Variants in SPNS1 observed in about 807,000 individuals in gnomAD.
The protein encoded by SPNS1 is SPNS lysolipid transporter 1, lysophospholipid.
Under a neutral mutation model 50.3 loss-of-function variants are expected in SPNS1, and 22 were observed. The observed-to-expected ratio is 0.44, with a 90% CI of 0.31 to 0.62. The LOEUF is 0.62. Among genes scored for constraint, SPNS1 ranks in the 20% least tolerant of loss-of-function variants. The pLI, the probability that SPNS1 is intolerant of heterozygous loss-of-function variation, is 0.07. For synonymous variants in SPNS1, 295 were observed against 317.4 expected (o/e 0.93, Z 0.75); for missense variants, 576 against 728.6 (o/e 0.79, Z 2.41).
At chr16:28,978,222 T>A (rs1043871621) in intron 3 of SPNS1, among the ~76,000 whole-genome samples, 178 bp downstream of exon 3, 1 of 151,956 alleles carries the variant, frequency 6.6e-6, no homozygotes, top group East Asian at 1.9e-4. Context: ...TCCCCTTTTC[T>A]TCCAGAGCAT....
At position 28,978,035 on chromosome 16, in the gene SPNS1, C is replaced by T. The variant is rs1304069653; in HGVS notation, c.435C>T (p.Ile145=). The part of the protein sequence containing the change: ...WSLVTLGSSF[I]PGEHFWLLLL... ...TGGTGACACTGGGGTCATCCTTCAT[C>T]CCCGGAGAGGTGAGGCCCCAAGCTG... The change falls in exon 3 of 12, where the codon ATC becomes ATT. Residue 145 remains isoleucine (I), a synonymous_variant. Coordinates refer to ENST00000311008, the MANE Select transcript of SPNS1 (RefSeq NM_032038.3). 4 of 1,613,284 alleles carry T rather than the reference C, an allele frequency of 2.5e-6. No individual in the cohort carries two copies. The highest frequency in any genetic ancestry group is 3.3e-5 in the Admixed American group (2 of 59,928).
intron 5 of SPNS1, chr16:28,980,493 A>G (rs1241774977): frequency 6.6e-6 from 1 of 151,922 alleles, no homozygotes; most frequent in Non-Finnish European, 1.5e-5. Context: ...GGCTGCCCTC[A>G]CCTGGAAGCC....
chr16:28,984,194 T>C lies in SPNS1; in HGVS notation c.1493-11T>C. 1 of 1,550,464 alleles carries C rather than the reference T, an allele frequency of 6.4e-7. No individual in the cohort carries two copies. Among genetic ancestry groups the C allele is most frequent in the South Asian group, 1.2e-5 (1 of 81,942 alleles). On this transcript the variant is annotated splice_polypyrimidine_tract_variant and intron_variant, in intron 11 of 11. Coordinates refer to ENST00000311008, the MANE Select transcript of SPNS1 (RefSeq NM_032038.3). ...ATCCAGCTCACCCTGGCTCTGACCC[T>C]CCCCCCTCAGGCCTGCTGCACGAAG...
chr16:28,977,862 A>C (rs1213145017), intron 2 of SPNS1, 46 bp from the exon 3 acceptor site: 1 of 1,600,570 alleles, frequency 6.2e-7, no homozygotes, highest in East Asian at 2.2e-5. Context: ...TGGGAGTGGG[A>C]GGTAGGGGTA....
chr16:28,976,398 A>G (rs1321630795), intron 2 of SPNS1, among the ~76,000 whole-genome samples: 1 of 151,894 alleles, frequency 6.6e-6, no homozygotes, highest in African/African-American at 2.4e-5. Flanking sequence ...TCTTCCTTCC[A>G]TCCTTCATTC....
Position 28,975,572 on chromosome 16 carries a change from CT to C in SPNS1, c.307+16del. On this transcript the variant is annotated intron_variant, in intron 2 of 11. Transcript: ENST00000311008. ...CATCCAGACCGGTGAGTGGGGACCA[CT>C]CCTGGTCACACAGCCGCTCCTCCTT... The C allele has an allele frequency of 6.2e-7, 1 of 1,613,970 alleles. No individual in the cohort carries two copies.
Position 28,979,699 on chromosome 16 carries a change from C to T in SPNS1, c.663+228C>T, listed in dbSNP as rs1403026088. The T allele has an allele frequency of 2.0e-5, 11 of 540,814 alleles. 1 individual carries two copies. The highest frequency in any genetic ancestry group is 9.5e-5 in the Admixed American group (3 of 31,704). The allele number at this position is 540,814 out of a possible 1,614,324, so 33.5% of individuals were successfully genotyped here. The stretch of plus-strand genomic sequence containing the variant: ...CCAAGTAGCTGGGACTATAGGTGCC[C>T]GCCACCATGCCTGGCTAATTAAAAA... On this transcript the variant is annotated intron_variant, in intron 5 of 11. Transcript: ENST00000311008.
chr16:28,979,783 G>A (rs1965478060), intron 5 of SPNS1: 1 of 310,404 alleles, frequency 3.2e-6, no homozygotes, highest in Admixed American at 4.3e-5. Context: ...AGCATTTTGG[G>A]AGGCTGAGGC....
In SPNS1 at chr16:28,983,793, A is replaced by T; in HGVS notation, c.1328A>T (p.Asp443Val). The change falls in exon 11 of 12, where the codon GAC (aspartate) becomes GTC (valine). Residue 443 changes from aspartate (D) to valine (V), a missense_variant. Transcript: ENST00000311008. The surrounding 1 kb of genome is among the most constrained non-coding windows in gnomAD (Gnocchi z 5.4). ...TGTCTCCTCTCCCTGCAGATCTCTG[A>T]CCGCCTGCGCCGGAACTGGCCCCCC... ...GSPYLIGLIS[D>V]RLRRNWPPSF... 6.3e-7 allele frequency: 1 copy of T among 1,589,692 alleles called. No individual in the cohort carries two copies. The highest frequency in any genetic ancestry group is 8.5e-7 in the Non-Finnish European group (1 of 1,169,896).
Position 28,974,902 on chromosome 16 carries a change from G to T in SPNS1, c.-250G>T. The T allele has an allele frequency of 6.5e-7, 1 of 1,527,650 alleles. No individual in the cohort carries two copies. The highest frequency in any genetic ancestry group is 1.2e-5 in the South Asian group (1 of 83,252). The allele number at this position is 1,527,650 out of a possible 1,614,324, so 94.6% of individuals were successfully genotyped here. A position where few individuals can be genotyped will look rare whatever the true frequency, so the allele number is the denominator to read the frequency against. On this transcript the variant is annotated 5_prime_UTR_variant, in exon 1 of 12. Transcript: ENST00000311008. The stretch of plus-strand genomic sequence containing the variant: ...TCCGCGTGGGATCGTGCCCTCTTCA[G>T]CCCGCTCCTGTCCCCGACATCACGT...
At chr16:28,982,796 T>A in intron 8 of SPNS1, 61 bp from the exon 9 acceptor site, 1 of 1,573,232 alleles carries the variant, frequency 6.4e-7, no homozygotes, top group East Asian at 2.2e-5. Context: ...GCTGGGAACA[T>A]GGTCAACTTT....
Position 28,975,274 on chromosome 16 carries a change from C to T in SPNS1, c.123C>T (p.Val41=). 6.4e-7 allele frequency: 1 copy of T among 1,568,508 alleles called. No individual in the cohort carries two copies. The highest frequency in any genetic ancestry group is 8.7e-7 in the Non-Finnish European group (1 of 1,155,912). The change falls in exon 1 of 12, where the codon GTC becomes GTT. Residue 41 remains valine (V), a synonymous_variant. Transcript: ENST00000311008. ...TGNPKSEEPE[V]PDQEGLQRIT... is the part of the protein sequence containing the mutation. Reference sequence around the variant, plus strand: ...ACCCGAAGTCCGAGGAGCCCGAGGTCCCGGACCAGGAGGGGCTGCAGCGCA... The same window carrying T: ...ACCCGAAGTCCGAGGAGCCCGAGGTTCCGGACCAGGAGGGGCTGCAGCGCA...
intron 5 of SPNS1, chr16:28,980,017 C>CT (rs1965487043): frequency 8.1e-6 from 1 of 123,588 alleles, no homozygotes; most frequent in South Asian, 2.8e-4. Flanking sequence ...TGCGAGACTC[C>CT]TTCTCAAAAA....
Position 28,981,876 on chromosome 16 carries a change from C to T in SPNS1, c.810-25C>T, listed in dbSNP as rs1386694999. On this transcript the variant is annotated intron_variant, in intron 6 of 11. Coordinates refer to ENST00000311008, the MANE Select transcript of SPNS1 (RefSeq NM_032038.3). This position sits in a 1 kb window ranked among gnomAD's most constrained non-coding sequence, Gnocchi z 4.2. ...GCCTCGACACCTCCGTGGGGTCTTA[C>T]TCTCTCCCTCCCAACTATCTGCAGT... The T allele has an allele frequency of 1.2e-6, 2 of 1,613,414 alleles. No individual in the cohort carries two copies. Among genetic ancestry groups the T allele is most frequent in the East Asian group, 2.2e-5 (1 of 44,864 alleles).
intron 2 of SPNS1, among the ~76,000 whole-genome samples, chr16:28,976,226 C>T (rs1004226553): frequency 2.6e-5 from 4 of 152,086 alleles, no homozygotes; most frequent in Non-Finnish European, 5.9e-5. Flanking sequence ...GAGCCGAGAT[C>T]GCACCACTGC....
In SPNS1 at chr16:28,983,135, T is replaced by C; in HGVS notation, c.1222-57T>C. 7.0e-7 allele frequency: 1 copy of C among 1,432,450 alleles called. No homozygotes were observed. 88.7% of individuals were successfully genotyped at this position (1,432,450 alleles called of 1,614,324 possible). ...GATCCTTGGTGGTCTCCTGGCCCCC[T>C]GCCTCCTGCCCCCTGGAGCCCAGAG... On this transcript the variant is annotated intron_variant, in intron 9 of 11. Coordinates refer to ENST00000311008, the MANE Select transcript of SPNS1 (RefSeq NM_032038.3). This position sits in a 1 kb window ranked among gnomAD's most constrained non-coding sequence, Gnocchi z 5.4.
Position 28,983,905 on chromosome 16 carries a change from C to T in SPNS1, c.1440C>T (p.Gly480=). 2 of 1,599,852 alleles carry T rather than the reference C, an allele frequency of 1.3e-6. No individual in the cohort carries two copies. Among genetic ancestry groups the T allele is most frequent in the Non-Finnish European group, 1.7e-6 (2 of 1,178,546 alleles). ...CACTGGGCGGCGCAGCCTTCCTGGG[C>T]ACCGCCATCTTCATTGAGGCCGACC... ...VGALGGAAFL[G]TAIFIEADRR... The change falls in exon 11 of 12, where the codon GGC becomes GGT. Residue 480 remains glycine (G), a synonymous_variant. Transcript: ENST00000311008. The surrounding 1 kb of genome is among the most constrained non-coding windows in gnomAD (Gnocchi z 5.4).
Position 28,974,920 on chromosome 16 carries a change from C to G in SPNS1, c.-232C>G. The G allele has an allele frequency of 6.6e-7, 1 of 1,518,826 alleles. No homozygotes were observed. The highest frequency in any genetic ancestry group is 8.8e-7 in the Non-Finnish European group (1 of 1,137,020). The allele number at this position is 1,518,826 out of a possible 1,614,324, so 94.1% of individuals were successfully genotyped here. On this transcript the variant is annotated 5_prime_UTR_variant, in exon 1 of 12. Coordinates refer to ENST00000311008, the MANE Select transcript of SPNS1 (RefSeq NM_032038.3). ...CTCTTCAGCCCGCTCCTGTCCCCGA[C>G]ATCACGTGTATTCCGCACGTCCCCT...
Position 28,981,893 on chromosome 16 carries a change from A to C in SPNS1, c.810-8A>C. The C allele has an allele frequency of 3.1e-6, 5 of 1,613,876 alleles. No individual in the cohort carries two copies. The highest frequency in any genetic ancestry group is 4.2e-6 in the Non-Finnish European group (5 of 1,179,892). On this transcript the variant is annotated splice_polypyrimidine_tract_variant and splice_region_variant and intron_variant, in intron 6 of 11. Coordinates refer to ENST00000311008, the MANE Select transcript of SPNS1 (RefSeq NM_032038.3). The surrounding 1 kb of genome is among the most constrained non-coding windows in gnomAD (Gnocchi z 4.2). Reference sequence around the variant, plus strand: ...GGGTCTTACTCTCTCCCTCCCAACTATCTGCAGTCCTAGTTTCGTCCTGTC... The same window carrying C: ...GGGTCTTACTCTCTCCCTCCCAACTCTCTGCAGTCCTAGTTTCGTCCTGTC...
Sources: allele counts gnomAD v4.1 joint callset (sites outside exome capture counted in the v4.1 genomes callset), GRCh38; gene constraint gnomAD v4.1.1; non-coding constraint Gnocchi (gnomAD v3.1); transcripts MANE v1.5; gene names NCBI Gene and HGNC (gene_info 2026-07-23, HGNC 2026-07-21).